The following CDC14A variants were observed in gnomAD, a reference collection of about 807,000 sequenced individuals.
The protein encoded by CDC14A is dual specificity protein phosphatase CDC14A.
In CDC14A, 53 loss-of-function variants were observed where a neutral mutation model predicts 74.4. The ratio of observed to expected loss-of-function variants is 0.71; its 90% CI spans 0.57 to 0.89. The LOEUF (loss-of-function observed/expected upper bound fraction) is 0.89, where lower values mean the gene tolerates loss of function less well. Ranked by LOEUF, CDC14A falls within the 40% of genes least tolerant of loss-of-function variation. CDC14A has a pLI of 0.00. For synonymous variants in CDC14A, 247 were observed against 258.4 expected (o/e 0.96, Z 0.43); for missense variants, 646 against 713.7 (o/e 0.91, Z 1.08).
intron 5 of CDC14A, among the ~76,000 whole-genome samples, chr1:100,434,234 A>G (rs1334079113): frequency 2.6e-5 from 4 of 152,182 alleles, no homozygotes; most frequent in Non-Finnish European, 5.9e-5. Context: ...AGAAAGATAG[A>G]ATTGTGGCCA....
chr1:100,513,607 T>C lies in CDC14A; in HGVS notation c.1756-4644T>C, dbSNP rs6689558. 4.6e-5 allele frequency among the ~76,000 whole-genome samples: 7 copies of C among 152,330 alleles called. No homozygotes were observed. In the South Asian group the frequency reaches 1.5e-3, roughly 32 times the overall value. Reference sequence around the variant, plus strand: ...AGGACCTTAATCTTTCATTATTCTTTATAATTTGCTGTTTTTGATAGCTAA... The same window carrying C: ...AGGACCTTAATCTTTCATTATTCTTCATAATTTGCTGTTTTTGATAGCTAA... On this transcript the variant is annotated intron_variant, in intron 15 of 15. Transcript: ENST00000336454.
upstream of CDC14A, chr1:100,351,707 T>C (rs1335587181): frequency 6.5e-7 from 1 of 1,533,478 alleles, no homozygotes; most frequent in Non-Finnish European, 8.8e-7. Flanking sequence ...GCATCTGTGA[T>C]GCTTTTGCGC....
intron 2 of CDC14A, among the ~76,000 whole-genome samples, chr1:100,357,970 G>C (rs937303713): frequency 1.3e-5 from 2 of 152,128 alleles, no homozygotes; most frequent in Non-Finnish European, 2.9e-5. Flanking sequence ...TAATGAGGTG[G>C]CCTCATGAGG....
At chr1:100,460,768 A>G (rs1667235221) in intron 8 of CDC14A, among the ~76,000 whole-genome samples, 3 of 152,240 alleles carry the variant, frequency 2.0e-5, no homozygotes. Flanking sequence ...TTTGCTCAAA[A>G]GCAACATAGC....
At chr1:100,419,224 GT>G (rs1386561719) in intron 4 of CDC14A, among the ~76,000 whole-genome samples, 1 of 152,146 alleles carries the variant, frequency 6.6e-6, no homozygotes, top group Admixed American at 6.6e-5. Flanking sequence ...GACTGTGACT[GT>G]GAAGAGATAA....
At chr1:100,369,301 G>C (rs1346664325) in intron 2 of CDC14A, among the ~76,000 whole-genome samples, 1 of 152,132 alleles carries the variant, frequency 6.6e-6, no homozygotes, top group Non-Finnish European at 1.5e-5. Flanking sequence ...TAGAGATGGG[G>C]TTTCACCATG....
At chr1:100,453,352 C>T (rs764502089) in intron 7 of CDC14A, among the ~76,000 whole-genome samples, 10 of 152,014 alleles carry the variant, frequency 6.6e-5, no homozygotes, top group Non-Finnish European at 1.0e-4. Flanking sequence ...AAATAGTGAC[C>T]GTAGAAACCT....
intron 4 of CDC14A, among the ~76,000 whole-genome samples, chr1:100,411,595 T>C (rs1660724596): frequency 6.6e-6 from 1 of 152,138 alleles, no homozygotes; most frequent in East Asian, 1.9e-4. Flanking sequence ...CAAAAGAGGG[T>C]AGTAGAGGGC....
chr1:100,455,834 A>G (rs1666628081), intron 8 of CDC14A, among the ~76,000 whole-genome samples: 2 of 152,250 alleles, frequency 1.3e-5, no homozygotes, highest in African/African-American at 2.4e-5. Context: ...ATTTGTTGGT[A>G]GAGTGCTACA....
At position 100,352,992 on chromosome 1, in the gene CDC14A, A is replaced by G; in HGVS notation, c.38A>G (p.Glu13Gly). The part of the protein sequence containing the change: ...AESGELIGAC[E>G]FMKDRLYFAT... ...TCAGGGGAACTAATCGGGGCTTGTG[A>G]GTTCATGAAAGGTGAGGAGCAGCCG... Residue 13 changes from glutamate to glycine, a missense_variant, in exon 1 of 16, where the codon GAG becomes GGG. Glu to Gly is a moderately conservative substitution (Grantham distance 98). Transcript: ENST00000336454. 1 of 1,614,096 alleles carries G rather than the reference A, an allele frequency of 6.2e-7. No homozygotes were observed. The highest frequency in any genetic ancestry group is 8.5e-7 in the Non-Finnish European group (1 of 1,180,022).
chr1:100,401,546 A>G (rs955648037), intron 4 of CDC14A, among the ~76,000 whole-genome samples: 5 of 152,266 alleles, frequency 3.3e-5, no homozygotes, highest in African/African-American at 1.2e-4. Context: ...TATAGAACTG[A>G]AATGGGCTTT....
chr1:100,516,885 A>C (rs1650279905), intron 15 of CDC14A, among the ~76,000 whole-genome samples: 1 of 152,204 alleles, frequency 6.6e-6, no homozygotes, highest in Admixed American at 6.5e-5. Flanking sequence ...CACATACAAG[A>C]AAGTCAATAG....
At chr1:100,515,494 C>T (rs138671032) in intron 15 of CDC14A, among the ~76,000 whole-genome samples, 10 of 151,786 alleles carry the variant, frequency 6.6e-5, no homozygotes, top group African/African-American at 2.2e-4. Context: ...AGTGATTCTC[C>T]TGCCTCAACC....
chr1:100,454,134 C>T (rs1039968167), intron 7 of CDC14A, among the ~76,000 whole-genome samples: 2 of 151,888 alleles, frequency 1.3e-5, no homozygotes, highest in African/African-American at 4.8e-5. Flanking sequence ...AGTAATGGCT[C>T]CAGTTTTTTT....
intron 2 of CDC14A, among the ~76,000 whole-genome samples, chr1:100,370,090 TCTC>T (rs1431650988): frequency 6.6e-6 from 1 of 150,990 alleles, no homozygotes; most frequent in Non-Finnish European, 1.5e-5. Flanking sequence ...CTCAAGCAAT[TCTC>T]CTGCCTCAGC....
At chr1:100,514,499 T>C (rs1650037594) in intron 15 of CDC14A, among the ~76,000 whole-genome samples, 1 of 152,168 alleles carries the variant, frequency 6.6e-6, no homozygotes, top group South Asian at 2.1e-4. Flanking sequence ...GTTAGGGTGA[T>C]AGAGAATGTT....
chr1:100,360,179 C>G (rs1042634142), intron 2 of CDC14A, among the ~76,000 whole-genome samples: 1 of 148,982 alleles, frequency 6.7e-6, no homozygotes, highest in African/African-American at 2.5e-5. Flanking sequence ...GTCTTGATCT[C>G]CTGACCTCGT....
chr1:100,420,051 C>CAT (rs1430165704), intron 4 of CDC14A, among the ~76,000 whole-genome samples: 14 of 14,818 alleles, frequency 9.4e-4, no homozygotes, highest in African/African-American at 3.3e-3. Flanking sequence ...CACACACACA[C>CAT]ACACACACAC....
At chr1:100,392,949 A>G in intron 4 of CDC14A, 1 of 865,414 alleles carries the variant, frequency 1.2e-6, no homozygotes, top group South Asian at 1.7e-5. Context: ...TGGTTTTGGG[A>G]AGTTGCTGTT....
Sources: allele counts gnomAD v4.1 joint callset (sites outside exome capture counted in the v4.1 genomes callset), GRCh38; gene constraint gnomAD v4.1.1; transcripts MANE v1.5; gene names NCBI Gene and HGNC (gene_info 2026-07-23, HGNC 2026-07-21).